SLIT3: variants seen among roughly 807,000 people sequenced by gnomAD.
SLIT3 encodes slit homolog 3 protein.
Under a neutral mutation model 184.0 loss-of-function variants are expected in SLIT3, and 68 were observed. The observed-to-expected ratio is 0.37, with a 90% CI of 0.30 to 0.45. The LOEUF (loss-of-function observed/expected upper bound fraction) is 0.45, where lower values mean the gene tolerates loss of function less well. SLIT3 is among the 20% of genes least tolerant of loss of function. SLIT3 has a pLI of 1.00. For synonymous variants in SLIT3, 831 were observed against 828.6 expected (o/e 1.00, Z -0.05); for missense variants, 1,707 against 2,026.0 (o/e 0.84, Z 3.02).
At chr5:169,254,823 C>T (rs1002987171) in intron 1 of SLIT3, among the ~76,000 whole-genome samples, 26 of 152,234 alleles carry the variant, frequency 1.7e-4, no homozygotes, top group Admixed American at 5.2e-4. Flanking sequence ...GGTGCAGATA[C>T]CTTTGGGACT....
intron 14 of SLIT3, 101 bp from the exon 15 acceptor site, chr5:168,762,790 T>G: frequency 8.4e-7 from 1 of 1,193,682 alleles, no homozygotes. Context: ...GGGAATGAGT[T>G]GGGGGCTGTT....
At chr5:169,090,530 C>G (rs1759539623) in intron 4 of SLIT3, among the ~76,000 whole-genome samples, 1 of 152,220 alleles carries the variant, frequency 6.6e-6, no homozygotes, top group Non-Finnish European at 1.5e-5. Context: ...CCACCTCAGG[C>G]TGGAATAGGG....
intron 29 of SLIT3, among the ~76,000 whole-genome samples, chr5:168,689,991 T>C (rs1009864431): frequency 1.3e-5 from 2 of 152,244 alleles, no homozygotes; most frequent in Non-Finnish European, 2.9e-5. Flanking sequence ...TATTCTTTCC[T>C]ATATTGTCTT....
intron 32 of SLIT3, among the ~76,000 whole-genome samples, chr5:168,676,501 C>A (rs1561869127): frequency 6.6e-6 from 1 of 152,298 alleles, no homozygotes; most frequent in South Asian, 2.1e-4. Context: ...CCAGCTGCAC[C>A]AAGTTGCAAG....
At chr5:168,856,200 G>A (rs979781223) in intron 5 of SLIT3, among the ~76,000 whole-genome samples, 6 of 152,164 alleles carry the variant, frequency 3.9e-5, no homozygotes, top group Non-Finnish European at 8.8e-5. Context: ...ACTTTTAAAC[G>A]GTTAGTTCTA....
intron 4 of SLIT3, among the ~76,000 whole-genome samples, chr5:168,986,918 C>T (rs62378607): frequency 0.041 from 6,269 of 152,262 alleles, 165 homozygotes; most frequent in Non-Finnish European, 0.057. Context: ...CGTGGTGGCA[C>T]GCACCTTTAA....
At chr5:169,070,374 A>G (rs1039787736) in intron 4 of SLIT3, among the ~76,000 whole-genome samples, 10 of 152,136 alleles carry the variant, frequency 6.6e-5, no homozygotes, top group Non-Finnish European at 1.3e-4. Context: ...CCAGATGAAG[A>G]GAAACTTTTT....
At chr5:169,252,751 C>T (rs974147596) in intron 1 of SLIT3, among the ~76,000 whole-genome samples, 7 of 152,102 alleles carry the variant, frequency 4.6e-5, no homozygotes, top group East Asian at 3.8e-4. Context: ...TTCATCTCTT[C>T]GGTTTTCCTA....
At chr5:169,252,506 T>G (rs999947480) in intron 1 of SLIT3, among the ~76,000 whole-genome samples, 1 of 152,152 alleles carries the variant, frequency 6.6e-6, no homozygotes, top group Admixed American at 6.5e-5. Context: ...TATTCCGTGT[T>G]CACTAAAATA....
chr5:168,741,286 T>A (rs538075410), intron 20 of SLIT3, among the ~76,000 whole-genome samples: 1 of 151,798 alleles, frequency 6.6e-6, no homozygotes, highest in African/African-American at 2.4e-5. Context: ...CTGGCTAACA[T>A]GGTGAAACCC....
chr5:168,972,376 T>TGTGTGTGTGTGTGTGTGTGTGTGTGG (rs1245225696), intron 4 of SLIT3, among the ~76,000 whole-genome samples: 1 of 150,676 alleles, frequency 6.6e-6, no homozygotes, highest in African/African-American at 2.4e-5. Context: ...TGTGTGTGTG[T>TGTGTGTGTGTGTGTGTGTGTGTGTGG]GAAGAGAGAA....
intron 4 of SLIT3, among the ~76,000 whole-genome samples, chr5:169,060,981 T>G (rs1442719423): frequency 6.6e-6 from 1 of 152,176 alleles, no homozygotes; most frequent in African/African-American, 2.4e-5. Flanking sequence ...GTGCAGTTGC[T>G]TCCTAAGCTG....
At chr5:168,921,633 G>C (rs796421201) in intron 4 of SLIT3, among the ~76,000 whole-genome samples, 4 of 152,258 alleles carry the variant, frequency 2.6e-5, no homozygotes, top group African/African-American at 9.6e-5. Context: ...TTGATTTTGG[G>C]AAATGTACAC....
At chr5:169,131,959 G>A (rs190610054) in intron 4 of SLIT3, among the ~76,000 whole-genome samples, 2 of 152,288 alleles carry the variant, frequency 1.3e-5, no homozygotes, top group African/African-American at 4.8e-5. Context: ...ACCTAAAGAT[G>A]AAGCCACATG....
At chr5:168,883,471 G>C in intron 4 of SLIT3, 135 bp from the exon 5 acceptor site, 5 of 653,732 alleles carry the variant, frequency 7.6e-6, no homozygotes, top group South Asian at 3.6e-5. Context: ...GTTTGGTCTC[G>C]GGCCCCAGGC....
chr5:169,198,805 A>G (rs1210349045), intron 3 of SLIT3, among the ~76,000 whole-genome samples: 1 of 151,960 alleles, frequency 6.6e-6, no homozygotes, highest in Non-Finnish European at 1.5e-5. Flanking sequence ...GGGGATGCAC[A>G]TCTGTAATCC....
chr5:168,737,490 C>T (rs1228455194), intron 20 of SLIT3, among the ~76,000 whole-genome samples: 1 of 152,194 alleles, frequency 6.6e-6, no homozygotes, highest in Non-Finnish European at 1.5e-5. Flanking sequence ...CATATGCACA[C>T]TGCCAGCCTG....
intron 4 of SLIT3, among the ~76,000 whole-genome samples, chr5:169,173,343 G>T (rs4868338): frequency 0.094 from 14,372 of 152,274 alleles, 840 homozygotes; most frequent in South Asian, 0.15. Context: ...GCATAAAGAT[G>T]CAGAGAAGAG....
At chr5:169,055,740 A>T (rs1356122474) in intron 4 of SLIT3, among the ~76,000 whole-genome samples, 1 of 151,922 alleles carries the variant, frequency 6.6e-6, no homozygotes, top group Admixed American at 6.6e-5. Context: ...GCTGAGGCAG[A>T]GAATGGTTTG....
Sources: allele counts gnomAD v4.1 joint callset (sites outside exome capture counted in the v4.1 genomes callset), GRCh38; gene constraint gnomAD v4.1.1; transcripts MANE v1.5; gene names NCBI Gene and HGNC (gene_info 2026-07-23, HGNC 2026-07-21).